FIRRM: variants seen among roughly 807,000 people sequenced by gnomAD.
FIRRM encodes FIGNL1-interacting regulator of recombination and mitosis.
the FIRRM span, chr1:169,850,267 A>G: frequency 6.2e-7 from 1 of 1,605,188 alleles, no homozygotes; most frequent in African/African-American, 1.3e-5. Context: ...TTTAATAGGG[A>G]ACAAATCATG....
the FIRRM span, chr1:169,853,679 A>C: frequency 2.5e-6 from 4 of 1,603,190 alleles, no homozygotes; most frequent in African/African-American, 1.3e-5. Flanking sequence ...AAAAAAGGGA[A>C]TCCTTTTTCC....
At chr1:169,804,495 T>G in the FIRRM span, 1 of 234,438 alleles carries the variant, frequency 4.3e-6, no homozygotes, top group Non-Finnish European at 8.2e-6. Context: ...TCTCTGAGGT[T>G]GTCCATATTC....
the FIRRM span, among the ~76,000 whole-genome samples, chr1:169,798,538 A>AT: frequency 6.6e-6 from 1 of 152,018 alleles, no homozygotes; most frequent in South Asian, 2.1e-4. Flanking sequence ...AAGTGCTGGG[A>AT]TTACAGGTGT....
At chr1:169,804,606 AAT>A in the FIRRM span, among the ~76,000 whole-genome samples, 1 of 152,208 alleles carries the variant, frequency 6.6e-6, no homozygotes, top group African/African-American at 2.4e-5. Context: ...TGTGTATGTA[AAT>A]ATGTCTATTC....
At chr1:169,850,632 C>T in the FIRRM span, 1 of 229,906 alleles carries the variant, frequency 4.3e-6, no homozygotes. Context: ...CCTGTTTCTA[C>T]TAAAAATACA....
the FIRRM span, chr1:169,806,225 C>T: frequency 1.3e-5 from 8 of 597,300 alleles, no homozygotes; most frequent in Non-Finnish European, 2.3e-5. Flanking sequence ...GTCTGATAAT[C>T]CAGATATTCT....
At chr1:169,845,702 T>C in the FIRRM span, among the ~76,000 whole-genome samples, 1 of 152,030 alleles carries the variant, frequency 6.6e-6, no homozygotes, top group Non-Finnish European at 1.5e-5. Flanking sequence ...AGTTTGATCA[T>C]GAGATTGCAG....
At chr1:169,853,439 C>A in the FIRRM span, 1 of 436,502 alleles carries the variant, frequency 2.3e-6, no homozygotes, top group South Asian at 4.4e-5. Flanking sequence ...TCGACCTCTC[C>A]TCAGCTACTT....
At chr1:169,786,832 A>C in the FIRRM span, among the ~76,000 whole-genome samples, 435 of 152,286 alleles carry the variant, frequency 2.9e-3, 6 homozygotes, top group African/African-American at 0.01. Context: ...TTTGTTATCT[A>C]CACATTGTGA....
At chr1:169,792,518 A>G in the FIRRM span, 1 of 1,382,318 alleles carries the variant, frequency 7.2e-7, no homozygotes. Flanking sequence ...AACAGAAATC[A>G]AACACTCAAA....
chr1:169,809,750 G>C, the FIRRM span, among the ~76,000 whole-genome samples: 1 of 152,128 alleles, frequency 6.6e-6, no homozygotes, highest in African/African-American at 2.4e-5. Flanking sequence ...CTGAAATGGA[G>C]CTTTGAGGTG....
chr1:169,791,140 A>C, the FIRRM span, among the ~76,000 whole-genome samples: 1 of 152,226 alleles, frequency 6.6e-6, no homozygotes, highest in African/African-American at 2.4e-5. Context: ...CGTGCAGCTC[A>C]GTTCCTAACA....
chr1:169,787,111 G>A, the FIRRM span, among the ~76,000 whole-genome samples: 2 of 152,172 alleles, frequency 1.3e-5, no homozygotes, highest in Non-Finnish European at 2.9e-5. Context: ...TGAATGGGGC[G>A]ATAGGGACAG....
the FIRRM span, chr1:169,843,861 A>T: frequency 5.6e-5 from 41 of 737,976 alleles, no homozygotes; most frequent in East Asian, 1.1e-3. Context: ...TAGTTCCTTT[A>T]AACCTCCTCT....
chr1:169,788,133 A>T, the FIRRM span, among the ~76,000 whole-genome samples: 2 of 152,234 alleles, frequency 1.3e-5, no homozygotes, highest in Non-Finnish European at 2.9e-5. Flanking sequence ...TTGGGGTTTC[A>T]TGAGACTAAG....
chr1:169,787,302 A>C, the FIRRM span, among the ~76,000 whole-genome samples: 5 of 152,250 alleles, frequency 3.3e-5, no homozygotes, highest in African/African-American at 1.2e-4. Flanking sequence ...AAATTTAGTT[A>C]GGCTTCTGGG....
At chr1:169,825,094 G>A in the FIRRM span, among the ~76,000 whole-genome samples, 12 of 152,206 alleles carry the variant, frequency 7.9e-5, no homozygotes, top group Admixed American at 2.0e-4. Context: ...GTGCACACAC[G>A]CACACGTACA....
chr1:169,843,559 A>G, the FIRRM span: 1 of 646,676 alleles, frequency 1.5e-6, no homozygotes, highest in Non-Finnish European at 2.7e-6. Flanking sequence ...ATGAGGTAAT[A>G]AATATAAAAT....
the FIRRM span, among the ~76,000 whole-genome samples, chr1:169,790,713 G>A: frequency 2.0e-5 from 3 of 152,056 alleles, no homozygotes; most frequent in African/African-American, 7.2e-5. Flanking sequence ...CAAAATCATT[G>A]AAACCAATTA....
Sources: gnomAD v4.1 joint callset for allele counts (sites outside exome capture counted in the v4.1 genomes callset) on GRCh38, gnomAD v4.1.1 for gene constraint, MANE v1.5 for transcripts, NCBI Gene and HGNC (gene_info 2026-07-23, HGNC 2026-07-21) for gene names.